Variants in HPSE2 observed in about 807,000 individuals in gnomAD.
HPSE2 encodes the protein inactive heparanase-2.
A neutral mutation model predicts 60.5 loss-of-function variants in HPSE2; 38 were observed. The ratio of observed to expected loss-of-function variants is 0.63; its 90% CI spans 0.48 to 0.82. The LOEUF (loss-of-function observed/expected upper bound fraction) is 0.82, where lower values mean the gene tolerates loss of function less well. Among genes scored for constraint, HPSE2 ranks in the 40% least tolerant of loss-of-function variants. The pLI is 0.00. For synonymous variants in HPSE2, 295 were observed against 293.2 expected (o/e 1.01, Z -0.06); for missense variants, 713 against 740.4 (o/e 0.96, Z 0.43).
At chr10:99,200,238 T>C (rs887661823) in intron 2 of HPSE2, among the ~76,000 whole-genome samples, 1 of 152,126 alleles carries the variant, frequency 6.6e-6, no homozygotes, top group Admixed American at 6.6e-5. Context: ...CCCATTACTA[T>C]TAGTAACTGC....
intron 2 of HPSE2, among the ~76,000 whole-genome samples, chr10:99,219,058 T>A (rs1163525347): frequency 6.6e-6 from 1 of 152,206 alleles, no homozygotes; most frequent in Non-Finnish European, 1.5e-5. Flanking sequence ...ACCAGAAAGC[T>A]CAAGTTATAT....
the HPSE2 span, among the ~76,000 whole-genome samples, chr10:99,255,193 G>A: frequency 5.9e-3 from 901 of 152,170 alleles, 12 homozygotes; most frequent in Non-Finnish European, 5.5e-3. Context: ...ATATTTAGAC[G>A]TCTATCAAAT....
At chr10:98,858,925 TTTTG>T (rs1022925983) in intron 3 of HPSE2, among the ~76,000 whole-genome samples, 2 of 152,124 alleles carry the variant, frequency 1.3e-5, no homozygotes, top group Non-Finnish European at 2.9e-5. Context: ...TCTGTGTTTT[TTTTG>T]TTTGTTTTTC....
chr10:99,091,058 A>T (rs1843494440), intron 3 of HPSE2, among the ~76,000 whole-genome samples: 1 of 152,230 alleles, frequency 6.6e-6, no homozygotes, highest in Admixed American at 6.5e-5. Context: ...CTACACATTT[A>T]AAAAAACACC....
At chr10:99,221,001 C>T (rs10883301) in intron 2 of HPSE2, among the ~76,000 whole-genome samples, 81,845 of 150,990 alleles carry the variant, frequency 0.54, 24,066 homozygotes, top group East Asian at 0.65. Context: ...CCCGCCATCA[C>T]GCCCAGCTAA....
intron 11 of HPSE2, among the ~76,000 whole-genome samples, chr10:98,466,698 G>A (rs959368144): frequency 1.3e-5 from 2 of 151,934 alleles, no homozygotes; most frequent in Non-Finnish European, 2.9e-5. Flanking sequence ...TTCTCCATCT[G>A]TAAGGTGAGG....
At chr10:98,706,227 G>A (rs1406920979) in intron 5 of HPSE2, among the ~76,000 whole-genome samples, 2 of 152,144 alleles carry the variant, frequency 1.3e-5, no homozygotes, top group East Asian at 3.9e-4. Context: ...TGTTTTCACT[G>A]AGGCTAGGAA....
rs753155944 is a variant in HPSE2, at chr10:99,004,110, G to A, written c.610+140128C>T. Among the ~76,000 whole-genome samples, 9 of 151,486 alleles carry A rather than the reference G, an allele frequency of 5.9e-5. No individual in the cohort carries two copies. The South Asian group carries it at 6.3e-4, about 11-fold the overall frequency. On this transcript the variant is annotated intron_variant, in intron 3 of 11. Coordinates refer to ENST00000370552, the MANE Select transcript of HPSE2 (RefSeq NM_021828.5). Reference sequence around the variant, plus strand: ...TTTGAATGGAATATCTTTTTCCATCGCTTCACTTTCAGCCTGTGTGCCCTT... The same window carrying A: ...TTTGAATGGAATATCTTTTTCCATCACTTCACTTTCAGCCTGTGTGCCCTT...
At position 98,490,125 on chromosome 10, in the gene HPSE2, G is replaced by C. The variant is rs146698468; in HGVS notation, c.1392C>G (p.Leu464=). 1 of 1,614,092 alleles carries C rather than the reference G, an allele frequency of 6.2e-7. No individual in the cohort carries two copies. Among genetic ancestry groups the C allele is most frequent in the African/African-American group, 1.3e-5 (1 of 74,926 alleles). ...CTCGGCCAGGCCGTGGCTTCCGCTG[G>C]AGCCCAGCCACATGCACAGCCAAGA... ...PKVLAVHVAG[L]QRKPRPGRVI... is the part of the protein sequence containing the mutation. Residue 464 remains leucine (L), a synonymous_variant, in exon 10 of 12, where the codon CTC becomes CTG. Transcript: ENST00000370552.
chr10:98,909,544 C>T (rs1055448981), intron 3 of HPSE2, among the ~76,000 whole-genome samples: 1 of 151,070 alleles, frequency 6.6e-6, no homozygotes, highest in Non-Finnish European at 1.5e-5. Flanking sequence ...GCAGAAGAAT[C>T]GCTTGAACTC....
At chr10:98,931,694 G>T (rs1386363331) in intron 3 of HPSE2, among the ~76,000 whole-genome samples, 2 of 143,396 alleles carry the variant, frequency 1.4e-5, no homozygotes, top group Admixed American at 1.4e-4. Flanking sequence ...ACCCTCATTA[G>T]CTGTATTCCT....
At chr10:98,606,686 G>T (rs1246777751) in intron 9 of HPSE2, among the ~76,000 whole-genome samples, 1 of 152,078 alleles carries the variant, frequency 6.6e-6, no homozygotes, top group East Asian at 1.9e-4. Flanking sequence ...AGTAAGTGAG[G>T]TATCTAATGA....
intron 2 of HPSE2, among the ~76,000 whole-genome samples, chr10:99,229,713 T>C (rs999469499): frequency 6.6e-6 from 1 of 152,220 alleles, no homozygotes. Flanking sequence ...AGTTTCATAA[T>C]GTGCCAGTAG....
At chr10:98,620,318 T>A (rs2133985612) in intron 8 of HPSE2, among the ~76,000 whole-genome samples, 1 of 152,354 alleles carries the variant, frequency 6.6e-6, no homozygotes, top group Non-Finnish European at 1.5e-5. Flanking sequence ...TTGTTTACAC[T>A]GTGTTTTGAA....
intron 3 of HPSE2, among the ~76,000 whole-genome samples, chr10:98,950,464 C>T (rs1240067668): frequency 6.6e-6 from 1 of 151,918 alleles, no homozygotes; most frequent in Non-Finnish European, 1.5e-5. Context: ...TAGAAGGTAC[C>T]CAGTAAATGT....
chr10:98,985,106 G>T (rs780534768), intron 3 of HPSE2, among the ~76,000 whole-genome samples: 1 of 152,138 alleles, frequency 6.6e-6, no homozygotes, highest in Non-Finnish European at 1.5e-5. Context: ...ATCTAGCAAG[G>T]CACGCCAACA....
intron 9 of HPSE2, among the ~76,000 whole-genome samples, chr10:98,559,020 CTCTG>C (rs1261606766): frequency 6.6e-6 from 1 of 152,054 alleles, no homozygotes; most frequent in Non-Finnish European, 1.5e-5. Context: ...ATCGAAGCCT[CTCTG>C]TCTGTTGGTT....
At chr10:98,518,335 T>C (rs10883115) in intron 9 of HPSE2, among the ~76,000 whole-genome samples, 116,417 of 152,136 alleles carry the variant, frequency 0.77, 49,317 homozygotes, top group East Asian at 0.96. Flanking sequence ...TGGATTCTAG[T>C]TCAACTTCAG....
At chr10:99,265,717 A>G in the HPSE2 span, among the ~76,000 whole-genome samples, 2 of 152,230 alleles carry the variant, frequency 1.3e-5, no homozygotes, top group African/African-American at 4.8e-5. Context: ...GAACTACCAC[A>G]GGAACATACC....
Sources: gnomAD v4.1 joint callset for allele counts (sites outside exome capture counted in the v4.1 genomes callset) on GRCh38, gnomAD v4.1.1 for gene constraint, MANE v1.5 for transcripts, NCBI Gene and HGNC (gene_info 2026-07-23, HGNC 2026-07-21) for gene names.